ZNF263: variants seen among roughly 807,000 people sequenced by gnomAD.
ZNF263 encodes the protein zinc finger protein 263.
In ZNF263, 49 loss-of-function variants were observed where a neutral mutation model predicts 63.1. That is an observed-to-expected ratio of 0.78 (90% CI 0.62 to 0.99). The LOEUF (loss-of-function observed/expected upper bound fraction) is 0.99, where lower values mean the gene tolerates loss of function less well. Among genes scored for constraint, ZNF263 ranks in the 50% least tolerant of loss-of-function variants. The pLI is 0.00. For missense variants in ZNF263, 872 were observed against 854.8 expected (o/e 1.02, Z -0.25); for synonymous variants, 352 against 324.2 (o/e 1.09, Z -0.92).
intron 2 of ZNF263, 121 bp downstream of exon 2, chr16:3,285,360 G>A: frequency 8.2e-7 from 1 of 1,214,422 alleles, no homozygotes; most frequent in Non-Finnish European, 1.1e-6. Context: ...GTTCTCACCT[G>A]TGGAATGAAA....
At position 3,285,195 on chromosome 16, in the gene ZNF263, T is replaced by G; in HGVS notation, c.524T>G (p.Leu175Arg). The G allele has an allele frequency of 6.2e-7, 1 of 1,613,754 alleles. No individual in the cohort carries two copies. The highest frequency in any genetic ancestry group is 8.5e-7 in the Non-Finnish European group (1 of 1,179,982). The change falls in exon 2 of 6, where the codon CTA (leucine) becomes CGA (arginine). Residue 175 changes from leucine to arginine, a missense_variant. Coordinates refer to ENST00000219069, the MANE Select transcript of ZNF263 (RefSeq NM_005741.5). ...RSPGPRLQEL[L>R]GPSPQRDPQA... The stretch of plus-strand genomic sequence containing the variant: ...CCTGGCCCCAGGCTGCAGGAGCTGC[T>G]AGGCCCCAGCCCCCAAAGGGACCCC...
downstream of ZNF263, chr16:3,291,505 G>A: frequency 1.0e-6 from 1 of 985,190 alleles, no homozygotes; most frequent in Non-Finnish European, 1.2e-6. Context: ...ACCCCCGAGT[G>A]TTGATCTGTC....
In ZNF263 at chr16:3,288,562, C is replaced by G. The variant is rs751658512; in HGVS notation, c.878C>G (p.Pro293Arg). ...AAGGAGGGCCTGAGCCCCAGAGGCC[C>G]AGCTCCAGGTAAGGAATGAAGACAA... ...SCKEGLSPRG[P>R]APGEEKFENL... The change falls in exon 5 of 6, where the codon CCA becomes CGA. Residue 293 changes from proline (P) to arginine (R), a missense_variant. By Grantham distance (103) the Pro-to-Arg change is moderately radical (BLOSUM62 -2). Coordinates refer to ENST00000219069, the MANE Select transcript of ZNF263 (RefSeq NM_005741.5). 2 of 1,609,566 alleles carry G rather than the reference C, an allele frequency of 1.2e-6. No homozygotes were observed. The highest frequency in any genetic ancestry group is 1.7e-6 in the Non-Finnish European group (2 of 1,177,986).
intron 1 of ZNF263, among the ~76,000 whole-genome samples, chr16:3,297,573 T>C (rs1361448407): frequency 1.3e-5 from 2 of 150,300 alleles, no homozygotes; most frequent in East Asian, 2.0e-4. Context: ...CACGCCATTT[T>C]CCTGTCTCAG....
chr16:3,284,657 C>T (rs1233706349), intron 1 of ZNF263, among the ~76,000 whole-genome samples: 2 of 152,176 alleles, frequency 1.3e-5, no homozygotes, highest in Non-Finnish European at 2.9e-5. Context: ...TTAGGGTCCA[C>T]GGTCTGGTCT....
At position 3,283,791 on chromosome 16, in the gene ZNF263, C is replaced by T. The variant is rs770959613; in HGVS notation, c.-28C>T. ...CTTCGTAGGCGGGCACGGCTGGTTT[C>T]GGGCTAAGGCGCTCTGGAGACCTGA... On this transcript the variant is annotated 5_prime_UTR_variant, in exon 1 of 6. Coordinates refer to ENST00000219069, the MANE Select transcript of ZNF263 (RefSeq NM_005741.5). 44 of 1,510,056 alleles carry T rather than the reference C, an allele frequency of 2.9e-5. No individual in the cohort carries two copies. The Admixed American group carries it at 9.0e-4, about 31-fold the overall frequency. 93.5% of individuals were successfully genotyped at this position (1,510,056 alleles called of 1,614,324 possible).
chr16:3,286,108 G>C lies in ZNF263; in HGVS notation c.728G>C (p.Arg243Thr). The stretch of plus-strand genomic sequence containing the variant: ...GATCCTAGTAAGAGGGCCCTCTCCA[G>C]GGACACGGTGCAGGAGAGTTATGAG... ...HQDPSKRALS[R>T]DTVQESYENV... is the part of the protein sequence containing the mutation. Residue 243 changes from arginine to threonine, a missense_variant, in exon 4 of 6, where the codon AGG (arginine) becomes ACG (threonine). By Grantham distance (71) the Arg-to-Thr change is moderately conservative (BLOSUM62 -1). Coordinates refer to ENST00000219069, the MANE Select transcript of ZNF263 (RefSeq NM_005741.5). The C allele has an allele frequency of 2.5e-6, 4 of 1,611,346 alleles. No homozygotes were observed. The highest frequency in any genetic ancestry group is 3.4e-6 in the Non-Finnish European group (4 of 1,179,118).
intron 1 of ZNF263, among the ~76,000 whole-genome samples, chr16:3,297,063 G>A (rs947036822): frequency 1.3e-5 from 2 of 152,128 alleles, no homozygotes; most frequent in Non-Finnish European, 1.5e-5. Flanking sequence ...GCAGCACTTT[G>A]GGAGGCTGAG....
chr16:3,288,715 G>A (rs528436379), intron 5 of ZNF263, 145 bp downstream of exon 5: 14 of 536,484 alleles, frequency 2.6e-5, no homozygotes, highest in South Asian at 1.3e-4. Flanking sequence ...GTGCGATCTC[G>A]GCTCACTGCA....
At chr16:3,284,976 A>G in intron 1 of ZNF263, 83 bp from the exon 2 acceptor site, 1 of 1,529,732 alleles carries the variant, frequency 6.5e-7, no homozygotes, top group East Asian at 2.3e-5. Context: ...TTCTCTGTTG[A>G]AGGTTTGCTC....
rs748521836 is a variant in ZNF263 at position 3,288,482 on chromosome 16, A to G, written c.798A>G (p.Pro266=). The change falls in exon 5 of 6, where the codon CCA becomes CCG. Residue 266 remains proline, a synonymous_variant. Transcript: ENST00000219069. ...LESHIPSQEV[P]GTQVGQGGKL... ...CTCACATTCCCAGTCAGGAGGTCCCAGGCACCCAGGTGGGACAAGGAGGAA... is the reference window on the plus strand; with the variant it reads ...CTCACATTCCCAGTCAGGAGGTCCCGGGCACCCAGGTGGGACAAGGAGGAA... The G allele has an allele frequency of 5.0e-6, 8 of 1,612,264 alleles. No homozygotes were observed. Among genetic ancestry groups the G allele is most frequent in the Non-Finnish European group, 8.5e-7 (1 of 1,178,956 alleles).
intron 2 of ZNF263, chr16:3,300,663 CTTAA>C (rs765953264): frequency 6.6e-7 from 1 of 1,521,332 alleles, no homozygotes; most frequent in Non-Finnish European, 8.8e-7. Context: ...AGGGAAAAGC[CTTAA>C]TGAATTGGCA....
At position 3,290,612 on chromosome 16, in the gene ZNF263, G is replaced by T. The variant is rs1959579446; in HGVS notation, c.*54G>T. 36 of 1,533,470 alleles carry T rather than the reference G, an allele frequency of 2.3e-5. No homozygotes were observed. Among genetic ancestry groups the T allele is most frequent in the Non-Finnish European group, 3.1e-5 (35 of 1,146,446 alleles). The allele number at this position is 1,533,470 out of a possible 1,614,324, so 95.0% of individuals were successfully genotyped here. On this transcript the variant is annotated 3_prime_UTR_variant, in exon 6 of 6. Coordinates refer to ENST00000219069, the MANE Select transcript of ZNF263 (RefSeq NM_005741.5). ...TGAGGTGGCATATTCAGAGGAGCCT[G>T]TTGGCAAGAGCTGGTATTCCCTGCC...
downstream of ZNF263, chr16:3,291,490 T>C (rs745992332): frequency 4.2e-4 from 413 of 985,276 alleles, no homozygotes; most frequent in Non-Finnish European, 4.6e-4. Context: ...AAAGCCTCTG[T>C]CTAGACCCCC....
chr16:3,300,657 A>G (rs954637596), intron 2 of ZNF263: 27 of 1,525,258 alleles, frequency 1.8e-5, no homozygotes, highest in Non-Finnish European at 2.2e-5. Context: ...AAACAAAGGG[A>G]AAAGCCTTAA....
rs1567253554 is a variant in ZNF263, at chr16:3,290,190, C to T, written c.1684C>T (p.Leu562Phe). 1 of 1,614,198 alleles carries T rather than the reference C, an allele frequency of 6.2e-7. No individual in the cohort carries two copies. The highest frequency in any genetic ancestry group is 1.7e-5 in the Admixed American group (1 of 60,016). ...GEAVSDSTPF[L>F]TNHGAHKAEK... ...AGCTGTGAGTGACAGCACCCCCTTT[C>T]TTACAAACCATGGAGCCCATAAGGC... The change falls in exon 6 of 6, where the codon CTT becomes TTT. Residue 562 changes from leucine to phenylalanine, a missense_variant. Coordinates refer to ENST00000219069, the MANE Select transcript of ZNF263 (RefSeq NM_005741.5).
chr16:3,298,801 A>G, intron 1 of ZNF263: 1 of 392,638 alleles, frequency 2.5e-6, no homozygotes, highest in Non-Finnish European at 4.5e-6. Context: ...TGAAACACAA[A>G]TTTAAATAAA....
At position 3,290,656 on chromosome 16, in the gene ZNF263, C is replaced by A; in HGVS notation, c.*98C>A. On this transcript the variant is annotated 3_prime_UTR_variant, in exon 6 of 6. Transcript: ENST00000219069. Reference sequence around the variant, plus strand: ...CCCTGCCCAGCCGACCAAATGACCTCTGCATTCTTCAGGTAATGGGGGCTC... The same window carrying A: ...CCCTGCCCAGCCGACCAAATGACCTATGCATTCTTCAGGTAATGGGGGCTC... The A allele has an allele frequency of 6.8e-7, 1 of 1,477,918 alleles. No individual in the cohort carries two copies. The highest frequency in any genetic ancestry group is 1.4e-5 in the South Asian group (1 of 71,958). 91.6% of individuals were successfully genotyped at this position (1,477,918 alleles called of 1,614,324 possible).
At chr16:3,300,213 T>A (rs1387199200) in intron 2 of ZNF263, 1 of 1,614,228 alleles carries the variant, frequency 6.2e-7, no homozygotes. Flanking sequence ...GGTTCCCAAT[T>A]GCATGCCGAT....
Sources: gnomAD v4.1 joint callset for allele counts (sites outside exome capture counted in the v4.1 genomes callset) on GRCh38, gnomAD v4.1.1 for gene constraint, MANE v1.5 for transcripts, NCBI Gene and HGNC (gene_info 2026-07-23, HGNC 2026-07-21) for gene names.